The following LIPM variants were observed in gnomAD, a reference collection of about 807,000 sequenced individuals.
LIPM encodes lipase member M.
A neutral mutation model predicts 42.4 loss-of-function variants in LIPM; 42 were observed. That is an observed-to-expected ratio of 0.99 (90% confidence interval 0.77 to 1.28). LIPM has a LOEUF of 1.28. Among genes scored for constraint, LIPM ranks in the 50% most tolerant of loss-of-function variants. The pLI, the probability that LIPM is intolerant of heterozygous loss-of-function variation, is 0.00. For synonymous variants in LIPM, 177 were observed against 173.3 expected (o/e 1.02, Z -0.17); for missense variants, 524 against 520.1 (o/e 1.01, Z -0.07).
rs1054981086 is a variant in LIPM, at chr10:88,815,453, A to G, written c.808A>G (p.Ser270Gly). The change falls in exon 6 of 9, where the codon AGT becomes GGT. Residue 270 changes from serine to glycine, a missense_variant. Coordinates refer to ENST00000404743, the MANE Select transcript of LIPM (RefSeq NM_001128215.1). ...CGQVILDQICSNIMLLLGGFN... is the reference protein window; with the variant it reads ...CGQVILDQICGNIMLLLGGFN... ...CCAGGTGATTCTTGATCAGATTTGT[A>G]GTAATATCATGTTACTTCTGGGTGG... 3 of 1,551,390 alleles carry G rather than the reference A, an allele frequency of 1.9e-6. No individual in the cohort carries two copies. The highest frequency in any genetic ancestry group is 2.7e-5 in the African/African-American group (2 of 73,028).
intron 4 of LIPM, 28 bp from the exon 5 acceptor site, chr10:88,815,060 T>C: frequency 1.3e-6 from 2 of 1,515,006 alleles, no homozygotes; most frequent in Non-Finnish European, 1.8e-6. Context: ...TATTTCGTAT[T>C]CATGTTGACA....
intron 2 of LIPM, among the ~76,000 whole-genome samples, chr10:88,811,380 G>T (rs185967705): frequency 6.6e-6 from 1 of 152,108 alleles, no homozygotes; most frequent in Non-Finnish European, 1.5e-5. Flanking sequence ...GTTTTTTACT[G>T]CAGGCTTCTT....
At chr10:88,808,270 C>A (rs1468372459) in intron 1 of LIPM, 28 bp from the exon 2 acceptor site, 2 of 1,298,730 alleles carry the variant, frequency 1.5e-6, no homozygotes, top group Admixed American at 2.0e-5. Context: ...GAGAACTGAA[C>A]CTAAAAGAAA....
intron 8 of LIPM, among the ~76,000 whole-genome samples, 192 bp downstream of exon 8, chr10:88,818,088 A>G (rs1292623475): frequency 6.6e-6 from 1 of 152,214 alleles, no homozygotes; most frequent in Non-Finnish European, 1.5e-5. Context: ...TGCTTTTACA[A>G]TGGAGTAGGA....
chr10:88,820,536 T>C lies in LIPM; in HGVS notation c.*35T>C. The C allele has an allele frequency of 1.3e-6, 2 of 1,535,430 alleles. No individual in the cohort carries two copies. Among genetic ancestry groups the C allele is most frequent in the South Asian group, 1.2e-5 (1 of 82,046 alleles). On this transcript the variant is annotated 3_prime_UTR_variant, in exon 9 of 9. Coordinates refer to ENST00000404743, the MANE Select transcript of LIPM (RefSeq NM_001128215.1). ...CACTGACGATCTTAGGACAACCTCCTGAGGGATGGGGCTAGGACCCATGAA... is the reference window on the plus strand; with the variant it reads ...CACTGACGATCTTAGGACAACCTCCCGAGGGATGGGGCTAGGACCCATGAA...
chr10:88,815,511 G>A lies in LIPM; in HGVS notation c.858+8G>A, dbSNP rs999229964. The stretch of plus-strand genomic sequence containing the variant: ...ACCAACAATATGAACATGGTAAGTG[G>A]GAGCCTAGTAAATTCCCAGCATCCC... On this transcript the variant is annotated splice_region_variant and intron_variant, in intron 6 of 8. Transcript: ENST00000404743. 6.5e-7 allele frequency: 1 copy of A among 1,549,806 alleles called. No homozygotes were observed. Among genetic ancestry groups the A allele is most frequent in the Non-Finnish European group, 8.7e-7 (1 of 1,145,840 alleles).
chr10:88,814,380 A>G (rs1843691933), intron 3 of LIPM, 150 bp from the exon 4 acceptor site: 1 of 606,316 alleles, frequency 1.6e-6, no homozygotes, highest in Non-Finnish European at 2.9e-6. Context: ...ATAGGTTTGA[A>G]AGAAATCCAT....
chr10:88,815,147 T>G lies in LIPM; in HGVS notation c.634T>G (p.Leu212Val), dbSNP rs992788454. 7 of 1,551,594 alleles carry G rather than the reference T, an allele frequency of 4.5e-6. No individual in the cohort carries two copies. The highest frequency in any genetic ancestry group is 6.1e-6 in the Non-Finnish European group (7 of 1,146,980). Residue 212 changes from leucine to valine, a missense_variant, in exon 5 of 9, where the codon TTA becomes GTA. By Grantham distance (32) the Leu-to-Val change is conservative. Coordinates refer to ENST00000404743, the MANE Select transcript of LIPM (RefSeq NM_001128215.1). ...TCAGAAAATCAAAATGTATTTTGCTTTAGCACCCATAGCCACTGTTAAGCA... is the reference window on the plus strand; with the variant it reads ...TCAGAAAATCAAAATGTATTTTGCTGTAGCACCCATAGCCACTGTTAAGCA... ...LAQKIKMYFALAPIATVKHAK... is the reference protein window; with the variant it reads ...LAQKIKMYFAVAPIATVKHAK...
Position 88,813,103 on chromosome 10 carries a change from G to A in LIPM, c.272G>A (p.Arg91Lys). 1 of 1,589,328 alleles carries A rather than the reference G, an allele frequency of 6.3e-7. No homozygotes were observed. The highest frequency in any genetic ancestry group is 1.3e-5 in the African/African-American group (1 of 74,156). Residue 91 changes from arginine (R) to lysine (K), a missense_variant, in exon 3 of 9, where the codon AGG (arginine) becomes AAG (lysine). Arg to Lys is a conservative substitution (Grantham distance 26, BLOSUM62 2). Coordinates refer to ENST00000404743, the MANE Select transcript of LIPM (RefSeq NM_001128215.1). ...AAATTTTCTCTTTTTGCAGGTTCCA[G>A]GCCTGTGGTGTTACTGCAGCATGGC... ...GLVQPKKTGS[R>K]PVVLLQHGLV...
chr10:88,803,923 C>T (rs921958328), intron 1 of LIPM, among the ~76,000 whole-genome samples: 13 of 152,036 alleles, frequency 8.6e-5, no homozygotes, highest in African/African-American at 3.1e-4. Context: ...ATAAACCCTC[C>T]CAGGTGAGAA....
intron 1 of LIPM, chr10:88,806,069 G>T (rs1341115669): frequency 1.8e-5 from 8 of 452,240 alleles, no homozygotes; most frequent in South Asian, 7.8e-5. Context: ...TACAGCTAAG[G>T]CCATTCCTAC....
intron 1 of LIPM, among the ~76,000 whole-genome samples, chr10:88,805,018 C>G (rs1843569106): frequency 6.6e-6 from 1 of 152,168 alleles, no homozygotes; most frequent in African/African-American, 2.4e-5. Context: ...TGATTTGACT[C>G]TGTATATTCA....
rs558938025 is a variant in LIPM at position 88,814,643 on chromosome 10, G to A, written c.574+4G>A. 1.3e-5 allele frequency: 20 copies of A among 1,548,994 alleles called. No individual in the cohort carries two copies. In the African/African-American group the frequency reaches 1.8e-4, roughly 14 times the overall value. On this transcript the variant is annotated splice_donor_region_variant and intron_variant, in intron 4 of 8. Transcript: ENST00000404743. Reference sequence around the variant, plus strand: ...TATTCACAGGGCACCACCATGGGTAGGTTCAAAGAAAAGCAGGTTTGTATA... The same window carrying A: ...TATTCACAGGGCACCACCATGGGTAAGTTCAAAGAAAAGCAGGTTTGTATA...
chr10:88,816,733 G>T (rs953006319), intron 6 of LIPM, 83 bp from the exon 7 acceptor site: 18 of 846,668 alleles, frequency 2.1e-5, no homozygotes, highest in Non-Finnish European at 3.5e-5. Context: ...TTCTTAGTCT[G>T]ACACCCTGGA....
At chr10:88,812,979 C>A in intron 2 of LIPM, 118 bp from the exon 3 acceptor site, 1 of 821,498 alleles carries the variant, frequency 1.2e-6, no homozygotes, top group South Asian at 1.8e-5. Flanking sequence ...ACTAAGCTAG[C>A]AAGCAGCTGA....
rs533562913 is a variant in LIPM at position 88,816,693 on chromosome 10, T to C, written c.859-123T>C. 1.7e-5 allele frequency: 11 copies of C among 642,280 alleles called. No individual in the cohort carries two copies. In the Admixed American group the frequency reaches 2.8e-4, roughly 16 times the overall value. The allele number at this position is 642,280 out of a possible 1,614,324, so 39.8% of individuals were successfully genotyped here. On this transcript the variant is annotated intron_variant, in intron 6 of 8. Coordinates refer to ENST00000404743, the MANE Select transcript of LIPM (RefSeq NM_001128215.1). ...CATGTACATATTTTTGTTTCATAGA[T>C]AATTGCTGATAACTTAATAATGTTA...
At chr10:88,808,257 A>G (rs1843611935) in intron 1 of LIPM, 41 bp from the exon 2 acceptor site, 4 of 1,119,146 alleles carry the variant, frequency 3.6e-6, no homozygotes, top group Admixed American at 2.0e-5. Flanking sequence ...GAATATGGCC[A>G]CAGAGAACTG....
chr10:88,816,922 TC>T (rs1323353073), intron 7 of LIPM, 35 bp downstream of exon 7: 2 of 1,460,138 alleles, frequency 1.4e-6, no homozygotes, highest in Non-Finnish European at 1.9e-6. Flanking sequence ...TTGCTAAATG[TC>T]CTGTTATATT....
In LIPM at chr10:88,820,433, G is replaced by A. The variant is rs1379101416; in HGVS notation, c.1204G>A (p.Glu402Lys). ...GGATGCTCCTCACCGTATGTACAAT[G>A]AAATCATCCATCTGATGCAGCAGGA... is the stretch of plus-strand genomic sequence containing the variant. Reference protein sequence around the residue: ...GLDAPHRMYNEIIHLMQQEET... With the variant: ...GLDAPHRMYNKIIHLMQQEET... Residue 402 changes from glutamate (E) to lysine (K), a missense_variant, in exon 9 of 9, where the codon GAA becomes AAA. Transcript: ENST00000404743. 3.9e-6 allele frequency: 6 copies of A among 1,552,002 alleles called. No homozygotes were observed. The African/African-American group carries it at 4.1e-5, about 11-fold the overall frequency.
Sources: allele counts gnomAD v4.1 joint callset (sites outside exome capture counted in the v4.1 genomes callset), GRCh38; gene constraint gnomAD v4.1.1; transcripts MANE v1.5; gene names NCBI Gene and HGNC (gene_info 2026-07-23, HGNC 2026-07-21).